NRG1: variants seen among roughly 807,000 people sequenced by gnomAD.
NRG1 encodes neuregulin 1, also known as pro-neuregulin-1, membrane-bound isoform.
NRG1 carries 18 observed loss-of-function variants against 63.8 expected under a neutral mutation model. The observed-to-expected ratio is 0.28, with a 90% CI of 0.19 to 0.42. NRG1 has a LOEUF of 0.42. NRG1 is among the 10% of genes least tolerant of loss of function. The probability of loss-of-function intolerance (pLI) is 1.00; values close to 1 mark genes in which losing one functional copy is unlikely to be tolerated. For missense variants in NRG1, 762 were observed against 814.7 expected, an observed-to-expected ratio of 0.94 and a Z score of 0.79; for synonymous variants, 302 against 301.3, an observed-to-expected ratio of 1.00 and a Z score of -0.02.
At position 32,712,295 on chromosome 8, in the gene NRG1, T is replaced by C. The variant is rs562221884; in HGVS notation, c.503-15654T>C. 2.2e-3 allele frequency among the ~76,000 whole-genome samples: 333 copies of C among 152,316 alleles called. 1 individual carries two copies. The highest frequency in any genetic ancestry group is 4.0e-3 in the Non-Finnish European group (270 of 68,034). The stretch of plus-strand genomic sequence containing the variant: ...TCAAAGTTAATTTCCATTTTTCCAT[T>C]TTGGATGCTGTGTTTTATGGAAATT... On this transcript the variant is annotated intron_variant, in intron 5 of 11. Coordinates refer to ENST00000356819, the Ensembl canonical transcript of NRG1.
intron 1 of NRG1, among the ~76,000 whole-genome samples, chr8:32,564,987 T>A (rs1005107567): frequency 1.3e-5 from 2 of 152,148 alleles, no homozygotes; most frequent in African/African-American, 2.4e-5. Flanking sequence ...GGAGGATTGC[T>A]GGAGCCCAGG....
chr8:32,072,863 A>G (rs1356337600), intron 1 of NRG1, among the ~76,000 whole-genome samples: 1 of 152,126 alleles, frequency 6.6e-6, no homozygotes, highest in African/African-American at 2.4e-5. Flanking sequence ...TCCACTTTTG[A>G]GTTTCAAGAC....
chr8:32,722,208 A>G (rs1820846340), intron 5 of NRG1, among the ~76,000 whole-genome samples: 2 of 152,234 alleles, frequency 1.3e-5, no homozygotes, highest in South Asian at 4.1e-4. Context: ...GGACTAATTC[A>G]TTCAAGGGAA....
At chr8:32,590,358 A>G (rs890982657) in intron 1 of NRG1, among the ~76,000 whole-genome samples, 1 of 152,180 alleles carries the variant, frequency 6.6e-6, no homozygotes, top group Non-Finnish European at 1.5e-5. Flanking sequence ...CCGCCTCTCT[A>G]GAAACACATA....
chr8:32,598,129 A>G (rs1042707768), intron 2 of NRG1, among the ~76,000 whole-genome samples: 2 of 152,204 alleles, frequency 1.3e-5, no homozygotes, highest in African/African-American at 4.8e-5. Context: ...ATAGGGCATT[A>G]CAATCTCTGT....
chr8:31,756,094 C>G (rs1816939415), intron 1 of NRG1, among the ~76,000 whole-genome samples: 1 of 151,968 alleles, frequency 6.6e-6, no homozygotes, highest in Non-Finnish European at 1.5e-5. Flanking sequence ...AAGATCCTTA[C>G]AGTCATAGCA....
intron 1 of NRG1, among the ~76,000 whole-genome samples, chr8:32,134,459 C>G (rs146287883): frequency 1.3e-5 from 2 of 152,044 alleles, no homozygotes. Flanking sequence ...AAAAAGAATC[C>G]TATTGTTTTA....
intron 1 of NRG1, among the ~76,000 whole-genome samples, chr8:32,453,451 A>G (rs922813830): frequency 6.6e-6 from 1 of 152,200 alleles, no homozygotes; most frequent in South Asian, 2.1e-4. Context: ...AGGGCCTCCC[A>G]CATAAACTTC....
chr8:31,896,087 C>T (rs935833608), intron 1 of NRG1, among the ~76,000 whole-genome samples: 1 of 152,130 alleles, frequency 6.6e-6, no homozygotes, highest in Non-Finnish European at 1.5e-5. Context: ...TTTTCCCAGG[C>T]AACCCAGCCA....
intron 1 of NRG1, among the ~76,000 whole-genome samples, chr8:32,370,064 G>A (rs566351573): frequency 1.3e-5 from 2 of 152,270 alleles, no homozygotes; most frequent in South Asian, 4.1e-4. Flanking sequence ...CAGGAAAGGG[G>A]AGAAGGACTG....
intron 1 of NRG1, among the ~76,000 whole-genome samples, chr8:32,263,436 T>C (rs1429731630): frequency 6.6e-6 from 1 of 152,140 alleles, no homozygotes; most frequent in Non-Finnish European, 1.5e-5. Flanking sequence ...AATGTAGAAG[T>C]AGGGATGATG....
At chr8:32,562,662 G>A (rs1013717351) in intron 1 of NRG1, among the ~76,000 whole-genome samples, 6 of 152,134 alleles carry the variant, frequency 3.9e-5, no homozygotes, top group African/African-American at 1.4e-4. Flanking sequence ...GTGCATGTAT[G>A]TACGTGTGTG....
At chr8:32,724,601 A>G (rs951545398) in intron 5 of NRG1, among the ~76,000 whole-genome samples, 2 of 152,186 alleles carry the variant, frequency 1.3e-5, no homozygotes, top group Admixed American at 6.5e-5. Context: ...AAAGAGAGCA[A>G]AAGGAAACCT....
chr8:32,737,174 T>C (rs905821054), intron 6 of NRG1, among the ~76,000 whole-genome samples: 5 of 152,190 alleles, frequency 3.3e-5, no homozygotes, highest in African/African-American at 1.2e-4. Context: ...AATCAAAGAA[T>C]CTTTTCCAAA....
At chr8:32,131,708 G>A (rs936058737) in intron 1 of NRG1, among the ~76,000 whole-genome samples, 5 of 151,984 alleles carry the variant, frequency 3.3e-5, no homozygotes, top group South Asian at 2.1e-4. Flanking sequence ...TATTGCTATT[G>A]TCTTACTCCC....
chr8:32,553,638 A>G (rs759456034), intron 1 of NRG1, among the ~76,000 whole-genome samples: 1 of 152,162 alleles, frequency 6.6e-6, no homozygotes, highest in Non-Finnish European at 1.5e-5. Flanking sequence ...GCAACACTTA[A>G]GAGTTGATGC....
intron 7 of NRG1, among the ~76,000 whole-genome samples, chr8:32,747,992 T>A (rs1827797953): frequency 6.6e-6 from 1 of 151,884 alleles, no homozygotes; most frequent in South Asian, 2.1e-4. Context: ...TGTGTTTGCA[T>A]AAGAAATATT....
intron 1 of NRG1, among the ~76,000 whole-genome samples, chr8:32,344,602 A>ATTT (rs61448713): frequency 1.8e-4 from 18 of 101,138 alleles, no homozygotes; most frequent in Admixed American, 2.4e-4. Flanking sequence ...ACACTCAGCT[A>ATTT]TTTTTTTTTT....
At chr8:32,768,674 A>C (rs1831599410), downstream of NRG1, among the ~76,000 whole-genome samples, 1 of 152,192 alleles carries the variant, frequency 6.6e-6, no homozygotes, top group Non-Finnish European at 1.5e-5. Flanking sequence ...ACCTAAACAA[A>C]AGCCATATTT....
Sources: allele counts gnomAD v4.1 joint callset (sites outside exome capture counted in the v4.1 genomes callset), GRCh38; gene constraint gnomAD v4.1.1; transcripts MANE v1.5; gene names NCBI Gene and HGNC (gene_info 2026-07-23, HGNC 2026-07-21).